Variants in PPIG observed in about 807,000 individuals in gnomAD.
PPIG encodes peptidylprolyl isomerase G.
Under a neutral mutation model 87.9 loss-of-function variants are expected in PPIG, and 26 were observed. The ratio of observed to expected loss-of-function variants is 0.30; its 90% CI spans 0.22 to 0.41. PPIG has a LOEUF of 0.41. Among genes scored for constraint, PPIG ranks in the 10% least tolerant of loss-of-function variants. The probability of loss-of-function intolerance (pLI) is 1.00; values close to 1 mark genes in which losing one functional copy is unlikely to be tolerated. For missense variants in PPIG, 722 were observed against 879.4 expected (o/e 0.82, Z 2.26); for synonymous variants, 308 against 276.5 (o/e 1.11, Z -1.13).
intron 8 of PPIG, 22 bp from the exon 9 acceptor site, chr2:169,614,563 A>C: frequency 6.3e-7 from 1 of 1,580,392 alleles, no homozygotes; most frequent in Non-Finnish European, 8.6e-7. Context: ...TTTATTTAAT[A>C]ATTTTTTACT....
At chr2:169,602,926 G>A (rs958036249) in intron 1 of PPIG, among the ~76,000 whole-genome samples, 1 of 152,082 alleles carries the variant, frequency 6.6e-6, no homozygotes, top group Non-Finnish European at 1.5e-5. Context: ...AGAACTTTTG[G>A]GATAGTTTTT....
chr2:169,594,518 T>C (rs932591005), intron 1 of PPIG, among the ~76,000 whole-genome samples: 22 of 152,050 alleles, frequency 1.4e-4, no homozygotes, highest in African/African-American at 5.3e-4. Context: ...AAATTGGGAT[T>C]TTATAGTCTG....
intron 7 of PPIG, among the ~76,000 whole-genome samples, chr2:169,611,215 T>C (rs760466078): frequency 6.6e-6 from 1 of 151,812 alleles, no homozygotes; most frequent in Non-Finnish European, 1.5e-5. Context: ...AAACAACTTA[T>C]AATTACCTCT....
At chr2:169,626,126 T>C (rs1285964745) in intron 9 of PPIG, among the ~76,000 whole-genome samples, 1 of 152,222 alleles carries the variant, frequency 6.6e-6, no homozygotes, top group East Asian at 1.9e-4. Context: ...ATAATACTTG[T>C]GACTTTGAGA....
At chr2:169,633,284 G>A (rs1229239347) in intron 12 of PPIG, 37 bp downstream of exon 12, 2 of 1,403,828 alleles carry the variant, frequency 1.4e-6, no homozygotes, top group Non-Finnish European at 1.0e-6. Context: ...TCACAATATT[G>A]CATTTGTCTT....
chr2:169,636,206 G>A lies in PPIG; in HGVS notation c.1132G>A (p.Glu378Lys). The part of the protein sequence containing the change: ...RAQRMRVSSG[E>K]RWIKGDKSEL... ...TCAAAGAATGAGGGTATCAAGTGGT[G>A]AAAGATGGATCAAGGGGGATAAGTA... Residue 378 changes from glutamate (E) to lysine (K), a missense_variant, in exon 13 of 14, where the codon GAA (glutamate) becomes AAA (lysine). By Grantham distance (56) the Glu-to-Lys change is moderately conservative. Around this residue, in one of 4 missense-constraint regions of PPIG, gnomAD observed 476 missense variants for 483.1 expected, o/e 0.99. Transcript: ENST00000260970. The A allele has an allele frequency of 1.9e-6, 3 of 1,607,178 alleles. No homozygotes were observed. Among genetic ancestry groups the A allele is most frequent in the Middle Eastern group, 1.7e-4 (1 of 6,032 alleles).
intron 7 of PPIG, among the ~76,000 whole-genome samples, chr2:169,611,360 ATAAT>A (rs1685483342): frequency 6.6e-6 from 1 of 152,324 alleles, no homozygotes; most frequent in South Asian, 2.1e-4. Context: ...ACTTTTGGCT[ATAAT>A]ATAAATCTCT....
chr2:169,600,286 G>A (rs1685144011), intron 1 of PPIG, among the ~76,000 whole-genome samples: 1 of 151,988 alleles, frequency 6.6e-6, no homozygotes, highest in African/African-American at 2.4e-5. Context: ...TGTTGCCCAG[G>A]CTGGTCTCGA....
At chr2:169,593,705 G>A (rs1449722716) in intron 1 of PPIG, among the ~76,000 whole-genome samples, 58 of 142,004 alleles carry the variant, frequency 4.1e-4, no homozygotes, top group African/African-American at 1.4e-3. Flanking sequence ...AGGTTGGAGT[G>A]CAGTGGCGTG....
In PPIG at chr2:169,639,454, A is replaced by G. The variant is rs181657653; in HGVS notation, c.*1931A>G. On this transcript the variant is annotated 3_prime_UTR_variant, in exon 14 of 14. Transcript: ENST00000260970. ...GTCCATGCTAAGTAAAAATTCTTAC[A>G]TGTTGTCTGATCCCAGAGCTTTATC... is the stretch of plus-strand genomic sequence containing the variant. 3 of 152,044 alleles carry G rather than the reference A, an allele frequency of 2.0e-5. No homozygotes were observed. The East Asian group carries it at 5.8e-4, about 29-fold the overall frequency. The allele number at this position is 152,044 out of a possible 1,614,324, so 9.4% of individuals were successfully genotyped here.
At chr2:169,631,745 T>G in intron 10 of PPIG, 21 bp from the exon 11 acceptor site, 1 of 1,613,352 alleles carries the variant, frequency 6.2e-7, no homozygotes, top group Non-Finnish European at 8.5e-7. Flanking sequence ...TAACTTGTTT[T>G]GTGTGTTTCT....
chr2:169,637,290 A>G lies in PPIG; in HGVS notation c.2032A>G (p.Arg678Gly). Residue 678 changes from arginine (R) to glycine (G), a missense_variant, in exon 14 of 14, where the codon AGG becomes GGG. Arg to Gly is a moderately radical substitution (Grantham distance 125). Around this residue, in one of 4 missense-constraint regions of PPIG, gnomAD observed 476 missense variants for 483.1 expected, o/e 0.99. Transcript: ENST00000260970. ...SRDHNSSNNS[R>G]EKKADRDQSP... ...TGATCATAATAGCTCAAATAACAGC[A>G]GGGAAAAAAAGGCTGATAGAGATCA... 1.2e-6 allele frequency: 2 copies of G among 1,607,942 alleles called. No homozygotes were observed. Among genetic ancestry groups the G allele is most frequent in the Non-Finnish European group, 1.7e-6 (2 of 1,178,682 alleles).
chr2:169,619,379 A>G (rs549290343), intron 9 of PPIG, among the ~76,000 whole-genome samples: 26 of 152,304 alleles, frequency 1.7e-4, no homozygotes, highest in Non-Finnish European at 3.4e-4. Context: ...GTAGATGTCT[A>G]TTAGGTCCAC....
At chr2:169,586,312 A>G (rs1684704105) in intron 1 of PPIG, among the ~76,000 whole-genome samples, 1 of 152,198 alleles carries the variant, frequency 6.6e-6, no homozygotes, top group Non-Finnish European at 1.5e-5. Context: ...GTGTATAAGT[A>G]TGTAAACTTC....
chr2:169,627,808 A>G lies in PPIG; in HGVS notation c.548-2966A>G, dbSNP rs79972386. 6.1e-4 allele frequency among the ~76,000 whole-genome samples: 92 copies of G among 151,830 alleles called. No individual in the cohort carries two copies. The East Asian group carries it at 0.015, about 25-fold the overall frequency. On this transcript the variant is annotated intron_variant, in intron 9 of 13. Transcript: ENST00000260970. ...ATAGGAAAGAATCTCAGTGCAAAAT[A>G]AATAGAAATCAGACTGGTGATTAAA...
chr2:169,603,659 G>T lies in PPIG; in HGVS notation c.-52G>T, dbSNP rs1046233052. ...TTTTCTAGGAGCACAGGGATCAGTTGTCCTTGTTTTTTTTTGGTCTTTTCT... is the reference window on the plus strand; with the variant it reads ...TTTTCTAGGAGCACAGGGATCAGTTTTCCTTGTTTTTTTTTGGTCTTTTCT... On this transcript the variant is annotated 5_prime_UTR_variant, in exon 2 of 14. Coordinates refer to ENST00000260970, the MANE Select transcript of PPIG (RefSeq NM_004792.3). The T allele has an allele frequency of 5.9e-6, 1 of 169,756 alleles. No homozygotes were observed. Among genetic ancestry groups the T allele is most frequent in the African/African-American group, 2.4e-5 (1 of 41,646 alleles). 10.5% of individuals were successfully genotyped at this position (169,756 alleles called of 1,614,324 possible).
intron 1 of PPIG, among the ~76,000 whole-genome samples, chr2:169,602,999 C>T (rs1308078104): frequency 6.6e-6 from 1 of 152,014 alleles, no homozygotes; most frequent in African/African-American, 2.4e-5. Flanking sequence ...AAAGTGGAAC[C>T]GAAGATGACC....
chr2:169,605,265 G>T (rs1685291762), intron 4 of PPIG, among the ~76,000 whole-genome samples: 1 of 152,042 alleles, frequency 6.6e-6, no homozygotes, highest in African/African-American at 2.4e-5. Context: ...ACCCTAGATG[G>T]AGGTTGCAGT....
At chr2:169,622,888 A>G (rs561872432) in intron 9 of PPIG, among the ~76,000 whole-genome samples, 1 of 152,278 alleles carries the variant, frequency 6.6e-6, no homozygotes, top group South Asian at 2.1e-4. Context: ...ACACTGTGGT[A>G]TTTATCATCA....
Sources: gnomAD v4.1 joint callset for allele counts (sites outside exome capture counted in the v4.1 genomes callset) on GRCh38, gnomAD v4.1.1 for gene constraint, gnomAD v4.1.1 regional missense constraint, MANE v1.5 for transcripts, NCBI Gene and HGNC (gene_info 2026-07-23, HGNC 2026-07-21) for gene names.